The following NXT2 variants were observed in gnomAD, a reference collection of about 807,000 sequenced individuals.
NXT2 encodes the protein NTF2-related export protein 2.
In NXT2, 1 loss-of-function variant was observed where a neutral mutation model predicts 9.6. That is an observed-to-expected ratio of 0.10 (90% CI 0.04 to 0.49). NXT2 has a LOEUF of 0.49. Ranked by LOEUF, NXT2 falls within the 20% of genes least tolerant of loss-of-function variation. NXT2 has a pLI of 0.95. For missense variants in NXT2, 48 were observed against 100.3 expected, an observed-to-expected ratio of 0.48 and a Z score of 2.23; for synonymous variants, 22 against 35.4, an observed-to-expected ratio of 0.62 and a Z score of 1.34.
upstream of NXT2, chrX:109,536,746 CTAAG>C: frequency 2.5e-6 from 2 of 809,056 alleles, no homozygotes; most frequent in Admixed American, 4.9e-5. Context: ...AAATTTTAAA[CTAAG>C]TATCAAACAA....
rs1933482754 is a variant in NXT2 at position 109,544,287 on chromosome X, A to G, written c.*1599A>G. The G allele has an allele frequency of 2.7e-5, 3 of 112,884 alleles. No homozygotes were observed. The highest frequency in any genetic ancestry group is 9.7e-5 in the African/African-American group (3 of 31,079). The allele number at this position is 112,884 out of a possible 1,213,427, so 9.3% of individuals were successfully genotyped here. ...TGTATTTCTGTTATAGTAACAAAAT[A>G]GAGTTATGTAGAATTGTATGGAACT... On this transcript the variant is annotated 3_prime_UTR_variant, in exon 4 of 4. Coordinates refer to ENST00000372106, the MANE Select transcript of NXT2 (RefSeq NM_001242617.2).
chrX:109,536,891 C>G lies in NXT2; in HGVS notation c.-116C>G. The stretch of plus-strand genomic sequence containing the variant: ...GAATGGGAGGGTGGAAAATTTTGTG[C>G]GTTTGGCGGGTTTCGCTCTCTTCAT... On this transcript the variant is annotated 5_prime_UTR_variant, in exon 1 of 4. Transcript: ENST00000372106. 8.4e-7 allele frequency: 1 copy of G among 1,191,511 alleles called. No individual in the cohort carries two copies.
intron 2 of NXT2, among the ~76,000 whole-genome samples, chrX:109,538,978 C>T (rs949345381): frequency 9.0e-6 from 1 of 110,890 alleles, no homozygotes; most frequent in Non-Finnish European, 1.9e-5. Flanking sequence ...ACCCATCAAC[C>T]CGTCATCTAC....
intron 2 of NXT2, among the ~76,000 whole-genome samples, chrX:109,541,035 A>G (rs1019581854): frequency 8.9e-6 from 1 of 112,156 alleles, no homozygotes; most frequent in East Asian, 2.8e-4. Flanking sequence ...TTTCATATAT[A>G]TATATAGCCA....
rs1039259109 is a variant in NXT2, at chrX:109,542,970, C to T, written c.*282C>T. 3 of 178,162 alleles carry T rather than the reference C, an allele frequency of 1.7e-5. No homozygotes were observed. The highest frequency in any genetic ancestry group is 7.9e-5 in the Admixed American group (1 of 12,622). 14.7% of individuals were successfully genotyped at this position (178,162 alleles called of 1,213,427 possible). On this transcript the variant is annotated 3_prime_UTR_variant, in exon 4 of 4. Transcript: ENST00000372106. ...ACTAACATACTCACTGTGAACCCAG[C>T]CTATTGCAAAAATAAAATCTTTTTA...
chrX:109,537,443 A>G, intron 1 of NXT2: 1 of 676,645 alleles, frequency 1.5e-6, no homozygotes, highest in Non-Finnish European at 1.8e-6. Flanking sequence ...CACGAACGCC[A>G]ACAGCGTTGC....
Position 109,536,889 on chromosome X carries a change from T to C in NXT2, c.-118T>C. On this transcript the variant is annotated 5_prime_UTR_variant, in exon 1 of 4. Coordinates refer to ENST00000372106, the MANE Select transcript of NXT2 (RefSeq NM_001242617.2). ...GAGAATGGGAGGGTGGAAAATTTTGTGCGTTTGGCGGGTTTCGCTCTCTTC... is the reference window on the plus strand; with the variant it reads ...GAGAATGGGAGGGTGGAAAATTTTGCGCGTTTGGCGGGTTTCGCTCTCTTC... The C allele has an allele frequency of 8.4e-7, 1 of 1,192,707 alleles. No homozygotes were observed. The highest frequency in any genetic ancestry group is 1.1e-6 in the Non-Finnish European group (1 of 884,298).
chrX:109,537,495 T>G (rs1382297679), intron 1 of NXT2: 2 of 481,727 alleles, frequency 4.2e-6, no homozygotes, highest in Non-Finnish European at 5.1e-6. Context: ...GCAGTGAATA[T>G]TTACGCAATG....
At position 109,543,976 on chromosome X, in the gene NXT2, A is replaced by G. The variant is rs1187573706; in HGVS notation, c.*1288A>G. On this transcript the variant is annotated 3_prime_UTR_variant, in exon 4 of 4. Coordinates refer to ENST00000372106, the MANE Select transcript of NXT2 (RefSeq NM_001242617.2). ...ACATTGAGCAAATAGATCTGTTTCA[A>G]AATATGTTCCCGCTATGTGGATAAC... 1 of 112,614 alleles carries G rather than the reference A, an allele frequency of 8.9e-6. No homozygotes were observed. Among genetic ancestry groups the G allele is most frequent in the East Asian group, 2.8e-4 (1 of 3,636 alleles). 9.3% of individuals were successfully genotyped at this position (112,614 alleles called of 1,213,427 possible).
At chrX:109,536,081 C>T (rs1017318886), upstream of NXT2, 6 of 547,138 alleles carry the variant, frequency 1.1e-5, no homozygotes, top group African/African-American at 1.4e-4. Flanking sequence ...GCCACATTGC[C>T]ATGACAGTTA....
rs1003631913 is a variant in NXT2, at chrX:109,543,242, T to A, written c.*554T>A. The A allele has an allele frequency of 2.7e-5, 3 of 112,420 alleles. No individual in the cohort carries two copies. Among genetic ancestry groups the A allele is most frequent in the African/African-American group, 9.7e-5 (3 of 30,878 alleles). 9.3% of individuals were successfully genotyped at this position (112,420 alleles called of 1,213,427 possible). On this transcript the variant is annotated 3_prime_UTR_variant, in exon 4 of 4. Coordinates refer to ENST00000372106, the MANE Select transcript of NXT2 (RefSeq NM_001242617.2). ...AGTGGTCGTTTTTCATTTTAAGTAA[T>A]TTTTGTTTTGGCATTTTTTTGTGTG...
At chrX:109,536,571 T>C (rs1355725903), upstream of NXT2, 5 of 161,128 alleles carry the variant, frequency 3.1e-5, no homozygotes, top group African/African-American at 1.5e-4. Context: ...ATAGTAGGTC[T>C]CCTCGCATTT....
chrX:109,537,552 C>T (rs942536260), intron 1 of NXT2: 2 of 146,929 alleles, frequency 1.4e-5, no homozygotes, highest in East Asian at 5.6e-4. Flanking sequence ...AGTAGTTGAA[C>T]TACTTTCGTG....
intron 2 of NXT2, among the ~76,000 whole-genome samples, chrX:109,540,739 G>A (rs756049849): frequency 2.7e-5 from 3 of 111,573 alleles, no homozygotes; most frequent in East Asian, 2.8e-4. Flanking sequence ...TTGACTTATC[G>A]AAGTCTCTGC....
chrX:109,537,406 G>C (rs775121515), intron 1 of NXT2: 421 of 773,002 alleles, frequency 5.4e-4, no homozygotes, highest in Non-Finnish European at 6.3e-4. Context: ...ACATGAATGA[G>C]AAGGAAGGTA....
chrX:109,537,191 C>T, intron 1 of NXT2, 170 bp downstream of exon 1: 10 of 1,043,274 alleles, frequency 9.6e-6, no homozygotes, highest in Non-Finnish European at 1.2e-5. Context: ...GCCGGCCCCA[C>T]CCCCAGCCTG....
In NXT2 at chrX:109,542,748, T is replaced by C. The variant is rs1933447480; in HGVS notation, c.*60T>C. 5 of 901,066 alleles carry C rather than the reference T, an allele frequency of 5.5e-6. No individual in the cohort carries two copies. Among genetic ancestry groups the C allele is most frequent in the Admixed American group, 3.0e-5 (1 of 33,049 alleles). The allele number at this position is 901,066 out of a possible 1,213,427, so 74.3% of individuals were successfully genotyped here. A position where few individuals can be genotyped will look rare whatever the true frequency, so the allele number is the denominator to read the frequency against. On this transcript the variant is annotated 3_prime_UTR_variant, in exon 4 of 4. Transcript: ENST00000372106. Reference sequence around the variant, plus strand: ...TTCCAGCAATTGAAATTTATGTGAATTATTTTGATTGTAGAAGCACTATAA... The same window carrying C: ...TTCCAGCAATTGAAATTTATGTGAACTATTTTGATTGTAGAAGCACTATAA...
intron 2 of NXT2, among the ~76,000 whole-genome samples, chrX:109,538,739 A>G (rs6643448): frequency 1.7e-4 from 19 of 111,558 alleles, no homozygotes; most frequent in African/African-American, 5.9e-4. Flanking sequence ...GTATGTGGTC[A>G]AGTGAGTCTT....
At position 109,543,445 on chromosome X, in the gene NXT2, T is replaced by C. The variant is rs1245680984; in HGVS notation, c.*757T>C. Reference sequence around the variant, plus strand: ...ATAGCTTTAACAGGAGAATAGGGAATGAGAAATAGAAATCCAAGGCTGAAG... The same window carrying C: ...ATAGCTTTAACAGGAGAATAGGGAACGAGAAATAGAAATCCAAGGCTGAAG... On this transcript the variant is annotated 3_prime_UTR_variant, in exon 4 of 4. Transcript: ENST00000372106. 9.0e-6 allele frequency: 1 copy of C among 111,704 alleles called. No individual in the cohort carries two copies. Among genetic ancestry groups the C allele is most frequent in the Non-Finnish European group, 1.9e-5 (1 of 52,960 alleles). 9.2% of individuals were successfully genotyped at this position (111,704 alleles called of 1,213,427 possible).
Sources: gnomAD v4.1 joint callset for allele counts (sites outside exome capture counted in the v4.1 genomes callset) on GRCh38, gnomAD v4.1.1 for gene constraint, MANE v1.5 for transcripts, NCBI Gene and HGNC (gene_info 2026-07-23, HGNC 2026-07-21) for gene names.